The following CCBE1 variants were observed in gnomAD, a reference collection of about 807,000 sequenced individuals.
CCBE1 encodes collagen and calcium binding EGF domains 1.
CCBE1 carries 37 observed loss-of-function variants against 50.0 expected under a neutral mutation model. The ratio of observed to expected loss-of-function variants is 0.74; its 90% confidence interval spans 0.57 to 0.97. The LOEUF (loss-of-function observed/expected upper bound fraction) is 0.97. Among genes scored for constraint, CCBE1 ranks in the 50% least tolerant of loss-of-function variants. The pLI is 0.00. For missense variants in CCBE1, 538 were observed against 523.8 expected (o/e 1.03, Z -0.26); for synonymous variants, 234 against 203.7 (o/e 1.15, Z -1.27).
intron 2 of CCBE1, among the ~76,000 whole-genome samples, chr18:59,630,532 C>T (rs2053837310): frequency 6.6e-6 from 1 of 152,078 alleles, no homozygotes; most frequent in African/African-American, 2.4e-5. Context: ...ATTAAAGGTC[C>T]CATTGTGTCA....
intron 2 of CCBE1, among the ~76,000 whole-genome samples, chr18:59,684,937 G>T (rs890963739): frequency 1.3e-5 from 2 of 152,146 alleles, no homozygotes; most frequent in Non-Finnish European, 1.5e-5. Context: ...GGACTGGAGA[G>T]TAAAGGCGTA....
chr18:59,623,702 G>A (rs1460606025), intron 2 of CCBE1, among the ~76,000 whole-genome samples: 1 of 152,134 alleles, frequency 6.6e-6, no homozygotes, highest in Non-Finnish European at 1.5e-5. Flanking sequence ...CGGGGGCTGA[G>A]GGGAGAACAT....
chr18:59,638,172 C>T (rs2053939839), intron 2 of CCBE1, among the ~76,000 whole-genome samples: 1 of 152,068 alleles, frequency 6.6e-6, no homozygotes, highest in Admixed American at 6.5e-5. Flanking sequence ...CATGTTATCT[C>T]AAAACATGAA....
At chr18:59,516,508 C>T (rs541329131) in intron 2 of CCBE1, among the ~76,000 whole-genome samples, 2 of 152,210 alleles carry the variant, frequency 1.3e-5, no homozygotes, top group South Asian at 2.1e-4. Context: ...CGTGGATGGA[C>T]GTGAGTCATT....
chr18:59,480,369 A>G (rs1233627204), intron 2 of CCBE1, 131 bp from the exon 3 acceptor site: 1 of 634,122 alleles, frequency 1.6e-6, no homozygotes. Flanking sequence ...GGGGTGAAGT[A>G]TTTTTAAGGC....
At chr18:59,460,952 T>C (rs1407848744) in intron 5 of CCBE1, among the ~76,000 whole-genome samples, 1 of 148,538 alleles carries the variant, frequency 6.7e-6, no homozygotes, top group Non-Finnish European at 1.5e-5. Context: ...AATAAATAAA[T>C]AAATAAATAA....
intron 2 of CCBE1, among the ~76,000 whole-genome samples, chr18:59,497,765 TC>T (rs1264797749): frequency 6.6e-6 from 1 of 152,152 alleles, no homozygotes; most frequent in Non-Finnish European, 1.5e-5. Flanking sequence ...CAGCCCGCAG[TC>T]CTCCTGATGG....
At chr18:59,679,167 A>G (rs942584949) in intron 2 of CCBE1, among the ~76,000 whole-genome samples, 1 of 152,150 alleles carries the variant, frequency 6.6e-6, no homozygotes, top group East Asian at 1.9e-4. Flanking sequence ...GCTCTACCAC[A>G]AACAGCGTCA....
chr18:59,551,374 G>T (rs772596030), intron 2 of CCBE1, among the ~76,000 whole-genome samples: 12 of 152,338 alleles, frequency 7.9e-5, no homozygotes, highest in Admixed American at 6.5e-4. Context: ...AGAACCGGAA[G>T]AATCTCTGGA....
At chr18:59,476,523 G>A (rs2143758645) in intron 3 of CCBE1, among the ~76,000 whole-genome samples, 1 of 151,860 alleles carries the variant, frequency 6.6e-6, no homozygotes, top group East Asian at 1.9e-4. Flanking sequence ...ACTCAACTCT[G>A]CTGTAATTTG....
chr18:59,563,506 G>T (rs1367274016), intron 2 of CCBE1, among the ~76,000 whole-genome samples: 1 of 152,106 alleles, frequency 6.6e-6, no homozygotes, highest in Non-Finnish European at 1.5e-5. Flanking sequence ...CTGGCTGTGG[G>T]CCTACTCAGA....
intron 2 of CCBE1, among the ~76,000 whole-genome samples, chr18:59,596,467 A>G (rs1568225808): frequency 6.6e-6 from 1 of 152,188 alleles, no homozygotes; most frequent in African/African-American, 2.4e-5. Flanking sequence ...AAGATGAAAG[A>G]ATATGGTATT....
At chr18:59,511,965 A>C (rs917410200) in intron 2 of CCBE1, among the ~76,000 whole-genome samples, 2 of 152,256 alleles carry the variant, frequency 1.3e-5, no homozygotes, top group African/African-American at 4.8e-5. Context: ...TTTCTTGTTC[A>C]CATGAGGCTC....
At chr18:59,534,965 A>T (rs993028623) in intron 2 of CCBE1, among the ~76,000 whole-genome samples, 8 of 152,248 alleles carry the variant, frequency 5.3e-5, no homozygotes, top group African/African-American at 1.9e-4. Flanking sequence ...CCCAAATTGA[A>T]AACTATCATT....
chr18:59,495,897 T>C (rs1913335072), intron 2 of CCBE1, among the ~76,000 whole-genome samples: 1 of 152,124 alleles, frequency 6.6e-6, no homozygotes, highest in African/African-American at 2.4e-5. Context: ...GATCACACGC[T>C]GGTCAACACG....
In CCBE1 at chr18:59,506,107, A is replaced by G. The variant is rs548039669; in HGVS notation, c.213-25869T>C. Reference sequence around the variant, plus strand: ...AGATGTAAATAAGAATTGGGATGAGATAATTATTGGATTAGGATGGACCCT... The same window carrying G: ...AGATGTAAATAAGAATTGGGATGAGGTAATTATTGGATTAGGATGGACCCT... On this transcript the variant is annotated intron_variant, in intron 2 of 10. Transcript: ENST00000439986. Among the ~76,000 whole-genome samples, 12 of 152,332 alleles carry G rather than the reference A, an allele frequency of 7.9e-5. 1 individual carries two copies. In the South Asian group the frequency reaches 2.5e-3, roughly 32 times the overall value.
chr18:59,477,538 CTGTGTG>C (rs55840819), intron 3 of CCBE1, among the ~76,000 whole-genome samples: 20 of 149,990 alleles, frequency 1.3e-4, no homozygotes, highest in African/African-American at 4.4e-4. Flanking sequence ...TTCCATGTCT[CTGTGTG>C]TGTGTGTGTG....
At chr18:59,528,156 C>T (rs760993959) in intron 2 of CCBE1, among the ~76,000 whole-genome samples, 2 of 152,160 alleles carry the variant, frequency 1.3e-5, no homozygotes, top group Non-Finnish European at 2.9e-5. Context: ...TCCCATAGTT[C>T]TTAGAGGTTG....
At chr18:59,693,608 A>G (rs2054766294) in intron 2 of CCBE1, among the ~76,000 whole-genome samples, 2 of 152,210 alleles carry the variant, frequency 1.3e-5, no homozygotes, top group African/African-American at 4.8e-5. Context: ...TTTGAACTCA[A>G]TCATACACCA....
Sources: allele counts gnomAD v4.1 joint callset (sites outside exome capture counted in the v4.1 genomes callset), GRCh38; gene constraint gnomAD v4.1.1; transcripts MANE v1.5; gene names NCBI Gene and HGNC (gene_info 2026-07-23, HGNC 2026-07-21).